The following PRSS50 variants were observed in gnomAD, a reference collection of about 807,000 sequenced individuals.
PRSS50 encodes probable threonine protease PRSS50.
Under a neutral mutation model 34.2 loss-of-function variants are expected in PRSS50, and 23 were observed. The ratio of observed to expected loss-of-function variants is 0.67; its 90% CI spans 0.48 to 0.95. The LOEUF (loss-of-function observed/expected upper bound fraction) is 0.95. PRSS50 is among the 40% of genes least tolerant of loss of function. The pLI is 0.00. For synonymous variants in PRSS50, 224 were observed against 211.2 expected (o/e 1.06, Z -0.53); for missense variants, 484 against 513.4 (o/e 0.94, Z 0.55).
rs756279008 is a variant in PRSS50, at chr3:46,712,472, C to G, written c.932G>C (p.Gly311Ala). The G allele has an allele frequency of 3.1e-6, 5 of 1,613,768 alleles. No homozygotes were observed. The highest frequency in any genetic ancestry group is 2.7e-5 in the African/African-American group (2 of 74,884). ...CTCCATGGAGCAGACCAAGGGCTCTCCAGTTAGCTCCTGTGGGAAGGGTTG... is the reference window on the plus strand; with the variant it reads ...CTCCATGGAGCAGACCAAGGGCTCTGCAGTTAGCTCCTGTGGGAAGGGTTG... ...HREKFCYELT[G>A]EPLVCSMEGT... The change falls in exon 6 of 6, where the codon GGA (glycine) becomes GCA (alanine). Residue 311 changes from glycine to alanine, a missense_variant. Coordinates refer to ENST00000315170, the MANE Select transcript of PRSS50 (RefSeq NM_013270.5).
rs753550632 is a variant in PRSS50, at chr3:46,714,326, G to C, written c.646C>G (p.Leu216Val). ...DIGLLKLKQE[L>V]KYSNYVRPIC... ...GGCCGCACGTAATTGCTGTACTTGAGTTCCTGCTTGAGCTTGAGGAGGCCG... is the reference window on the plus strand; with the variant it reads ...GGCCGCACGTAATTGCTGTACTTGACTTCCTGCTTGAGCTTGAGGAGGCCG... The change falls in exon 4 of 6, where the codon CTC becomes GTC. Residue 216 changes from leucine to valine, a missense_variant. By Grantham distance (32) the Leu-to-Val change is conservative. Coordinates refer to ENST00000315170, the MANE Select transcript of PRSS50 (RefSeq NM_013270.5). 2.5e-6 allele frequency: 4 copies of C among 1,614,018 alleles called. No homozygotes were observed. The East Asian group carries it at 8.9e-5, about 36-fold the overall frequency.
rs751697846 is a variant in PRSS50 at position 46,712,461 on chromosome 3, C to G, written c.943G>C (p.Val315Leu). ...FCYELTGEPLVCSMEGTWYLV... is the reference protein window; with the variant it reads ...FCYELTGEPLLCSMEGTWYLV... ...TACCACGTGCCCTCCATGGAGCAGA[C>G]CAAGGGCTCTCCAGTTAGCTCCTGT... The change falls in exon 6 of 6, where the codon GTC (valine) becomes CTC (leucine). Residue 315 changes from valine (V) to leucine (L), a missense_variant. Physicochemically the swap from Val to Leu is conservative, Grantham distance 32 (BLOSUM62 1). Transcript: ENST00000315170. 2 of 1,613,880 alleles carry G rather than the reference C, an allele frequency of 1.2e-6. No individual in the cohort carries two copies. Among genetic ancestry groups the G allele is most frequent in the African/African-American group, 2.7e-5 (2 of 74,876 alleles).
intron 5 of PRSS50, 63 bp downstream of exon 5, chr3:46,712,838 C>T: frequency 6.4e-7 from 1 of 1,572,880 alleles, no homozygotes; most frequent in Non-Finnish European, 8.7e-7. Context: ...TTCCGCTCTC[C>T]CTCCCCAGAT....
rs1340591624 is a variant in PRSS50, at chr3:46,717,688, G to A, written c.106+31C>T. 6.3e-7 allele frequency: 1 copy of A among 1,599,936 alleles called. No homozygotes were observed. Among genetic ancestry groups the A allele is most frequent in the Non-Finnish European group, 8.5e-7 (1 of 1,173,570 alleles). On this transcript the variant is annotated intron_variant, in intron 1 of 5. Coordinates refer to ENST00000315170, the MANE Select transcript of PRSS50 (RefSeq NM_013270.5). The surrounding 1 kb of genome is among the most constrained non-coding windows in gnomAD (Gnocchi z 4.5). ...AGGTGGAAGGCGAGGGCCGCGTCAG[G>A]CGGGTGGGGTAGGGATCGGGAGGGA...
rs116309496 is a variant in PRSS50, at chr3:46,717,714, C to T, written c.106+5G>A. The T allele has an allele frequency of 4.4e-3, 7,102 of 1,598,100 alleles. 314 individuals carry two copies. The African/African-American group carries it at 0.085, about 19-fold the overall frequency. ...CGGGTGGGGTAGGGATCGGGAGGGA[C>T]TCACCTGCAGACCTCAGCAACAGAA... is the stretch of plus-strand genomic sequence containing the variant. On this transcript the variant is annotated splice_donor_5th_base_variant and intron_variant, in intron 1 of 5. Transcript: ENST00000315170. The surrounding 1 kb of genome is among the most constrained non-coding windows in gnomAD (Gnocchi z 4.5).
Position 46,714,274 on chromosome 3 carries a change from A to T in PRSS50, c.698T>A (p.Val233Glu). Residue 233 changes from valine (V) to glutamate (E), a missense_variant, in exon 4 of 6, where the codon GTG becomes GAG. Transcript: ENST00000315170. ...AGTGCAGCGGGAATGGTCCTTCAACACATAGTCCGTGCCAGGCAGGCAGAT... is the reference window on the plus strand; with the variant it reads ...AGTGCAGCGGGAATGGTCCTTCAACTCATAGTCCGTGCCAGGCAGGCAGAT... The part of the protein sequence containing the change: ...RPICLPGTDY[V>E]LKDHSRCTVT... 4 of 1,614,078 alleles carry T rather than the reference A, an allele frequency of 2.5e-6. No homozygotes were observed. The highest frequency in any genetic ancestry group is 3.4e-6 in the Non-Finnish European group (4 of 1,180,012).
rs746260937 is a variant in PRSS50 at position 46,715,219 on chromosome 3, G to T, written c.470+316C>A. Among the ~76,000 whole-genome samples, 2 of 152,238 alleles carry T rather than the reference G, an allele frequency of 1.3e-5. No homozygotes were observed. Among genetic ancestry groups the T allele is most frequent in the Non-Finnish European group, 2.9e-5 (2 of 68,044 alleles). ...GAGGAACAAGGATGTGGGTGCAAAG[G>T]GGGTGAAATGAAAGAACTAGGAGCT... On this transcript the variant is annotated intron_variant, in intron 3 of 5. Transcript: ENST00000315170. The surrounding 1 kb of genome is among the most constrained non-coding windows in gnomAD (Gnocchi z 5.2).
chr3:46,712,842 C>T (rs1700637229), intron 5 of PRSS50, 59 bp downstream of exon 5: 1 of 1,582,458 alleles, frequency 6.3e-7, no homozygotes, highest in Non-Finnish European at 8.6e-7. Flanking sequence ...GCTCTCCCTC[C>T]CCAGATGCCT....
At position 46,714,308 on chromosome 3, in the gene PRSS50, C is replaced by T. The variant is rs767856673; in HGVS notation, c.664G>A (p.Val222Met). 12 of 1,614,032 alleles carry T rather than the reference C, an allele frequency of 7.4e-6. No individual in the cohort carries two copies. The South Asian group carries it at 8.8e-5, about 12-fold the overall frequency. Reference protein sequence around the residue: ...LKQELKYSNYVRPICLPGTDY... With the variant: ...LKQELKYSNYMRPICLPGTDY... ...GTGCCAGGCAGGCAGATGGGCCGCA[C>T]GTAATTGCTGTACTTGAGTTCCTGC... Residue 222 changes from valine (V) to methionine (M), a missense_variant, in exon 4 of 6, where the codon GTG becomes ATG. Coordinates refer to ENST00000315170, the MANE Select transcript of PRSS50 (RefSeq NM_013270.5).
In PRSS50 at chr3:46,712,174, G is replaced by T; in HGVS notation, c.*72C>A. 7.6e-7 allele frequency: 1 copy of T among 1,313,836 alleles called. No individual in the cohort carries two copies. Among genetic ancestry groups the T allele is most frequent in the Non-Finnish European group, 1.1e-6 (1 of 941,194 alleles). The allele number at this position is 1,313,836 out of a possible 1,614,324, so 81.4% of individuals were successfully genotyped here. On this transcript the variant is annotated 3_prime_UTR_variant, in exon 6 of 6. Coordinates refer to ENST00000315170, the MANE Select transcript of PRSS50 (RefSeq NM_013270.5). ...CATCTCCACCCTGACTCTCAGGGCT[G>T]TGACAGCTGCACCCACAGCAACCTG...
chr3:46,717,857 A>T lies in PRSS50; in HGVS notation c.-33T>A, dbSNP rs1404756346. Reference sequence around the variant, plus strand: ...TGGCAGCCGACTGCGTCTCTCCGGAAGGCGCTCCCAGTGCCGCCCCCACGA... The same window carrying T: ...TGGCAGCCGACTGCGTCTCTCCGGATGGCGCTCCCAGTGCCGCCCCCACGA... On this transcript the variant is annotated 5_prime_UTR_variant, in exon 1 of 6. Coordinates refer to ENST00000315170, the MANE Select transcript of PRSS50 (RefSeq NM_013270.5). This position sits in a 1 kb window ranked among gnomAD's most constrained non-coding sequence, Gnocchi z 4.5. The T allele has an allele frequency of 2.1e-6, 3 of 1,449,486 alleles. No individual in the cohort carries two copies. Among genetic ancestry groups the T allele is most frequent in the Non-Finnish European group, 2.7e-6 (3 of 1,101,424 alleles). 89.8% of individuals were successfully genotyped at this position (1,449,486 alleles called of 1,614,324 possible). A position where few individuals can be genotyped will look rare whatever the true frequency, so the allele number is the denominator to read the frequency against.
Position 46,716,496 on chromosome 3 carries a change from T to C in PRSS50, c.308-799A>G, listed in dbSNP as rs1700685762. Among the ~76,000 whole-genome samples the C allele has an allele frequency of 6.6e-6, 1 of 152,214 alleles. No individual in the cohort carries two copies. The highest frequency in any genetic ancestry group is 1.5e-5 in the Non-Finnish European group (1 of 68,034). On this transcript the variant is annotated intron_variant, in intron 2 of 5. Transcript: ENST00000315170. The surrounding 1 kb of genome is among the most constrained non-coding windows in gnomAD (Gnocchi z 4.4). ...CCAGGCAGGTCTCAAACTCCTGACC[T>C]CAAGTGATCTTACTGCCTCAGCCTC...
Position 46,716,640 on chromosome 3 carries a change from C to G in PRSS50, c.307+797G>C, listed in dbSNP as rs1025332809. Among the ~76,000 whole-genome samples, 1 of 152,122 alleles carries G rather than the reference C, an allele frequency of 6.6e-6. No homozygotes were observed. Among genetic ancestry groups the G allele is most frequent in the Non-Finnish European group, 1.5e-5 (1 of 68,020 alleles). On this transcript the variant is annotated intron_variant, in intron 2 of 5. Transcript: ENST00000315170. This position sits in a 1 kb window ranked among gnomAD's most constrained non-coding sequence, Gnocchi z 4.4. ...GGCAAAAACGCAACATCTGTGACACCGAGTGTCAGTGAGGATTATCACCCA... is the reference window on the plus strand; with the variant it reads ...GGCAAAAACGCAACATCTGTGACACGGAGTGTCAGTGAGGATTATCACCCA...
rs1559499258 is a variant in PRSS50, at chr3:46,717,517, G to T, written c.227C>A (p.Thr76Asn). 6.2e-7 allele frequency: 1 copy of T among 1,613,878 alleles called. No homozygotes were observed. The change falls in exon 2 of 6, where the codon ACC becomes AAC. Residue 76 changes from threonine (T) to asparagine (N), a missense_variant. Coordinates refer to ENST00000315170, the MANE Select transcript of PRSS50 (RefSeq NM_013270.5). The surrounding 1 kb of genome is among the most constrained non-coding windows in gnomAD (Gnocchi z 4.5). The part of the protein sequence containing the change: ...PSSRPRLLWQ[T>N]PTTQTLPSTT... ...CGAGGGCAGTGTCTGGGTGGTCGGG[G>T]TCTGCCAGAGAAGGCGAGGCCGGCT...
At chr3:46,712,811 C>G in intron 5 of PRSS50, 90 bp downstream of exon 5, 1 of 1,462,028 alleles carries the variant, frequency 6.8e-7, no homozygotes, top group Non-Finnish European at 9.4e-7. Flanking sequence ...TTCCCTTCCC[C>G]TACCCAACCT....
At position 46,717,352 on chromosome 3, in the gene PRSS50, T is replaced by C; in HGVS notation, c.307+85A>G. 1 of 1,497,766 alleles carries C rather than the reference T, an allele frequency of 6.7e-7. No individual in the cohort carries two copies. Among genetic ancestry groups the C allele is most frequent in the Non-Finnish European group, 9.2e-7 (1 of 1,086,656 alleles). The allele number at this position is 1,497,766 out of a possible 1,614,324, so 92.8% of individuals were successfully genotyped here. A position where few individuals can be genotyped will look rare whatever the true frequency, so the allele number is the denominator to read the frequency against. Reference sequence around the variant, plus strand: ...CCTCTATCCTGCTCGCCCCCGTCCCTTCTGCTCCCCTAGCCCCAGCCAAGG... The same window carrying C: ...CCTCTATCCTGCTCGCCCCCGTCCCCTCTGCTCCCCTAGCCCCAGCCAAGG... On this transcript the variant is annotated intron_variant, in intron 2 of 5. Coordinates refer to ENST00000315170, the MANE Select transcript of PRSS50 (RefSeq NM_013270.5). The surrounding 1 kb of genome is among the most constrained non-coding windows in gnomAD (Gnocchi z 4.5).
intron 3 of PRSS50, 40 bp from the exon 4 acceptor site, chr3:46,714,541 C>G (rs1211057073): frequency 6.6e-7 from 1 of 1,505,468 alleles, no homozygotes; most frequent in Admixed American, 2.0e-5. Context: ...CAGCTCCAGG[C>G]CCCCTGCCCC....
In PRSS50 at chr3:46,717,668, G is replaced by A. The variant is rs1250309271; in HGVS notation, c.107-31C>T. The A allele has an allele frequency of 1.9e-6, 3 of 1,606,890 alleles. No homozygotes were observed. Among genetic ancestry groups the A allele is most frequent in the Non-Finnish European group, 2.5e-6 (3 of 1,176,792 alleles). On this transcript the variant is annotated intron_variant, in intron 1 of 5. Coordinates refer to ENST00000315170, the MANE Select transcript of PRSS50 (RefSeq NM_013270.5). This position sits in a 1 kb window ranked among gnomAD's most constrained non-coding sequence, Gnocchi z 4.5. ...GAGGACGTCGAGCGGATTAGAGGTG[G>A]AAGGCGAGGGCCGCGTCAGGCGGGT...
chr3:46,717,865 C>G lies in PRSS50; in HGVS notation c.-41G>C. The G allele has an allele frequency of 7.0e-7, 1 of 1,419,176 alleles. No homozygotes were observed. 87.9% of individuals were successfully genotyped at this position (1,419,176 alleles called of 1,614,324 possible). A position where few individuals can be genotyped will look rare whatever the true frequency, so the allele number is the denominator to read the frequency against. On this transcript the variant is annotated 5_prime_UTR_variant, in exon 1 of 6. Transcript: ENST00000315170. The surrounding 1 kb of genome is among the most constrained non-coding windows in gnomAD (Gnocchi z 4.5). ...GACTGCGTCTCTCCGGAAGGCGCTC[C>G]CAGTGCCGCCCCCACGACGGCGCCC...
Sources: allele counts gnomAD v4.1 joint callset (sites outside exome capture counted in the v4.1 genomes callset), GRCh38; gene constraint gnomAD v4.1.1; non-coding constraint Gnocchi (gnomAD v3.1); transcripts MANE v1.5; gene names NCBI Gene and HGNC (gene_info 2026-07-23, HGNC 2026-07-21).